Variants in CRYBG3 observed in about 807,000 individuals in gnomAD.
CRYBG3 encodes very large A-kinase anchor protein.
CRYBG3 carries 127 observed loss-of-function variants against 244.2 expected under a neutral mutation model. The observed-to-expected ratio is 0.52, with a 90% CI of 0.45 to 0.60. CRYBG3 has a LOEUF of 0.60. Among genes scored for constraint, CRYBG3 ranks in the 20% least tolerant of loss-of-function variants. The pLI, the probability that CRYBG3 is intolerant of heterozygous loss-of-function variation, is 0.00. For synonymous variants in CRYBG3, 1,132 were observed against 1,195.8 expected (o/e 0.95, Z 1.10); for missense variants, 3,325 against 3,442.5 (o/e 0.97, Z 0.85).
intron 15 of CRYBG3, among the ~76,000 whole-genome samples, chr3:97,903,343 T>G (rs1440087133): frequency 1.8e-4 from 27 of 152,178 alleles, no homozygotes; most frequent in Non-Finnish European, 1.0e-4. Flanking sequence ...CAGATCATTT[T>G]TATAGGAGCC....
rs572285026 is a variant in CRYBG3 at position 97,899,612 on chromosome 3, T to G, written c.7971+349T>G. On this transcript the variant is annotated intron_variant, in intron 14 of 21. Coordinates refer to ENST00000389622, the MANE Select transcript of CRYBG3 (RefSeq NM_153605.4). The stretch of plus-strand genomic sequence containing the variant: ...GTATGGACAATTAATGATAGTATGA[T>G]TAGTGAGAAAATGAAGTGTGTAGGC... 3.9e-5 allele frequency among the ~76,000 whole-genome samples: 6 copies of G among 152,230 alleles called. No homozygotes were observed. In the South Asian group the frequency reaches 1.2e-3, roughly 32 times the overall value.
intron 2 of CRYBG3, among the ~76,000 whole-genome samples, chr3:97,848,791 A>G (rs1350858909): frequency 6.6e-6 from 1 of 152,206 alleles, no homozygotes; most frequent in Non-Finnish European, 1.5e-5. Flanking sequence ...AGTTTAACGT[A>G]CAGATTTTTA....
Position 97,892,015 on chromosome 3 carries a change from G to T in CRYBG3, c.7441-845G>T, listed in dbSNP as rs557333609. Among the ~76,000 whole-genome samples, 9 of 152,220 alleles carry T rather than the reference G, an allele frequency of 5.9e-5. 1 individual carries two copies. Among genetic ancestry groups the T allele is most frequent in the African/African-American group, 2.2e-4 (9 of 41,546 alleles). On this transcript the variant is annotated intron_variant, in intron 10 of 21. Coordinates refer to ENST00000389622, the MANE Select transcript of CRYBG3 (RefSeq NM_153605.4). ...TTAACTGGCCTGCTTTTGCTTTGACGGGATCACTTCCACCTTTTGGTAGCC... is the reference window on the plus strand; with the variant it reads ...TTAACTGGCCTGCTTTTGCTTTGACTGGATCACTTCCACCTTTTGGTAGCC...
intron 10 of CRYBG3, among the ~76,000 whole-genome samples, chr3:97,892,137 C>A (rs939183188): frequency 4.1e-4 from 63 of 152,212 alleles, no homozygotes; most frequent in African/African-American, 1.5e-3. Flanking sequence ...GGATCTTTAT[C>A]CCATTTGTTT....
intron 15 of CRYBG3, among the ~76,000 whole-genome samples, chr3:97,904,511 G>A (rs2039741976): frequency 6.6e-6 from 1 of 152,090 alleles, no homozygotes; most frequent in Non-Finnish European, 1.5e-5. Context: ...TTCACTGGCA[G>A]TATCAGTAGT....
At chr3:97,824,415 A>C (rs1327372923) in intron 1 of CRYBG3, among the ~76,000 whole-genome samples, 1 of 152,162 alleles carries the variant, frequency 6.6e-6, no homozygotes, top group African/African-American at 2.4e-5. Context: ...AAATAAACTA[A>C]AACATAATTA....
intron 1 of CRYBG3, among the ~76,000 whole-genome samples, chr3:97,840,074 CA>C (rs906601828): frequency 6.6e-6 from 1 of 151,594 alleles, no homozygotes; most frequent in Non-Finnish European, 1.5e-5. Flanking sequence ...AGTGAGAGCA[CA>C]AAAAATACAA....
In CRYBG3 at chr3:97,874,063, G is replaced by A. The variant is rs760220957; in HGVS notation, c.2869G>A (p.Ala957Thr). 1.3e-6 allele frequency: 2 copies of A among 1,535,876 alleles called. No homozygotes were observed. The highest frequency in any genetic ancestry group is 1.7e-6 in the Non-Finnish European group (2 of 1,146,822). Reference protein sequence around the residue: ...IHDEKISRQMAQNCEAHTCVF... With the variant: ...IHDEKISRQMTQNCEAHTCVF... Reference sequence around the variant, plus strand: ...TGATGAAAAAATCAGTAGGCAAATGGCGCAGAATTGTGAAGCTCACACTTG... The same window carrying A: ...TGATGAAAAAATCAGTAGGCAAATGACGCAGAATTGTGAAGCTCACACTTG... Residue 957 changes from alanine to threonine, a missense_variant, in exon 4 of 22, where the codon GCG becomes ACG. By Grantham distance (58) the Ala-to-Thr change is moderately conservative. Transcript: ENST00000389622.
Position 97,915,610 on chromosome 3 carries a change from C to G in CRYBG3, c.8115C>G (p.Cys2705Trp), listed in dbSNP as rs745722712. 6.2e-7 allele frequency: 1 copy of G among 1,608,240 alleles called. No homozygotes were observed. Residue 2705 changes from cysteine (C) to tryptophan (W), a missense_variant and splice_region_variant, in exon 17 of 22, where the codon TGC (cysteine) becomes TGG (tryptophan). Coordinates refer to ENST00000389622, the MANE Select transcript of CRYBG3 (RefSeq NM_153605.4). The part of the protein sequence containing the change: ...MPCSFKVLRG[C>W]WLLYYQEDMF... ...GAATGTCTTACTGCTTGGCTTTTAG[C>G]TGGCTCCTCTATTACCAAGAAGACA...
chr3:97,935,060 G>C (rs988817479), intron 18 of CRYBG3, among the ~76,000 whole-genome samples: 1 of 151,948 alleles, frequency 6.6e-6, no homozygotes, highest in Non-Finnish European at 1.5e-5. Flanking sequence ...AACAGTGAAG[G>C]CTGCCTAAGG....
At chr3:97,870,974 C>T (rs902605884) in intron 3 of CRYBG3, among the ~76,000 whole-genome samples, 16 of 152,152 alleles carry the variant, frequency 1.1e-4, no homozygotes, top group Non-Finnish European at 1.2e-4. Context: ...GATAGGTTTG[C>T]AGTGGAAATT....
intron 2 of CRYBG3, among the ~76,000 whole-genome samples, chr3:97,860,121 T>G (rs2039125135): frequency 6.6e-6 from 1 of 152,192 alleles, no homozygotes; most frequent in Admixed American, 6.6e-5. Context: ...TACTCACTGT[T>G]TAGCACCTCA....
intron 17 of CRYBG3, chr3:97,933,017 A>G (rs372388832): frequency 4.2e-5 from 17 of 405,084 alleles, no homozygotes; most frequent in African/African-American, 1.3e-4. Context: ...TTTTAATTTA[A>G]CTATTTGTTA....
intron 15 of CRYBG3, among the ~76,000 whole-genome samples, chr3:97,910,499 T>C (rs1197873543): frequency 6.6e-6 from 1 of 152,088 alleles, no homozygotes. Flanking sequence ...AGGGTGGGAG[T>C]GAACCGATTT....
chr3:97,943,508 G>A lies in CRYBG3; in HGVS notation c.*194G>A, dbSNP rs2040279622. ...CTCAAAATATTCTTGCCATTACTCAGTGTTCCTATAAAGAAAATATTATGA... is the reference window on the plus strand; with the variant it reads ...CTCAAAATATTCTTGCCATTACTCAATGTTCCTATAAAGAAAATATTATGA... On this transcript the variant is annotated 3_prime_UTR_variant, in exon 22 of 22. Transcript: ENST00000389622. 3.8e-6 allele frequency: 2 copies of A among 531,394 alleles called. No homozygotes were observed. Among genetic ancestry groups the A allele is most frequent in the South Asian group, 2.6e-5 (1 of 38,810 alleles). 32.9% of individuals were successfully genotyped at this position (531,394 alleles called of 1,614,324 possible).
chr3:97,907,076 T>C (rs1011876229), intron 15 of CRYBG3, among the ~76,000 whole-genome samples: 4 of 152,196 alleles, frequency 2.6e-5, no homozygotes, highest in Non-Finnish European at 5.9e-5. Flanking sequence ...TGAAACAGCC[T>C]TGCATCCCAG....
chr3:97,880,179 T>A (rs767425484), intron 6 of CRYBG3, 79 bp downstream of exon 6: 62 of 709,012 alleles, frequency 8.7e-5, no homozygotes, highest in Non-Finnish European at 1.3e-4. Context: ...TTTTTTTCTA[T>A]TTTTTATTGA....
Position 97,876,565 on chromosome 3 carries a change from A to G in CRYBG3, c.5371A>G (p.Thr1791Ala). ...VLKMEATYRK[T>A]AEEVIKNTEI... is the part of the protein sequence containing the mutation. Reference sequence around the variant, plus strand: ...GAAAATGGAAGCTACTTACCGAAAGACTGCTGAAGAGGTCATTAAGAATAC... The same window carrying G: ...GAAAATGGAAGCTACTTACCGAAAGGCTGCTGAAGAGGTCATTAAGAATAC... Residue 1791 changes from threonine (T) to alanine (A), a missense_variant, in exon 4 of 22, where the codon ACT (threonine) becomes GCT (alanine). Coordinates refer to ENST00000389622, the MANE Select transcript of CRYBG3 (RefSeq NM_153605.4). The G allele has an allele frequency of 1.2e-5, 15 of 1,232,290 alleles. No individual in the cohort carries two copies. The highest frequency in any genetic ancestry group is 1.5e-5 in the Non-Finnish European group (15 of 988,060). 76.3% of individuals were successfully genotyped at this position (1,232,290 alleles called of 1,614,324 possible).
chr3:97,893,435 G>T (rs1356203480), intron 11 of CRYBG3, among the ~76,000 whole-genome samples: 1 of 152,210 alleles, frequency 6.6e-6, no homozygotes, highest in African/African-American at 2.4e-5. Context: ...GACATTGGTT[G>T]CCCTCCGGGC....
Sources: allele counts gnomAD v4.1 joint callset (sites outside exome capture counted in the v4.1 genomes callset), GRCh38; gene constraint gnomAD v4.1.1; transcripts MANE v1.5; gene names NCBI Gene and HGNC (gene_info 2026-07-23, HGNC 2026-07-21).